LRRC4C: variants seen among roughly 807,000 people sequenced by gnomAD.
LRRC4C encodes leucine-rich repeat-containing protein 4C.
A neutral mutation model predicts 33.6 loss-of-function variants in LRRC4C; 5 were observed. The observed-to-expected ratio is 0.15, with a 90% CI of 0.08 to 0.31. The LOEUF (loss-of-function observed/expected upper bound fraction) is 0.31, where lower values mean the gene tolerates loss of function less well. LRRC4C is among the 10% of genes least tolerant of loss of function. The pLI is 1.00. For synonymous variants in LRRC4C, 329 were observed against 302.0 expected, an observed-to-expected ratio of 1.09 and a Z score of -0.93; for missense variants, 560 against 796.7, an observed-to-expected ratio of 0.70 and a Z score of 3.58.
At chr11:41,137,002 C>A (rs889632013) in intron 1 of LRRC4C, among the ~76,000 whole-genome samples, 8 of 151,986 alleles carry the variant, frequency 5.3e-5, no homozygotes, top group African/African-American at 1.7e-4. Flanking sequence ...AATCCCAGCA[C>A]TTTAGGAGGC....
chr11:41,379,826 G>T (rs181272398), intron 1 of LRRC4C, among the ~76,000 whole-genome samples: 1 of 152,072 alleles, frequency 6.6e-6, no homozygotes, highest in South Asian at 2.1e-4. Flanking sequence ...CTATGTCTTC[G>T]TAATTATTCT....
At chr11:41,406,518 C>T (rs145736703) in intron 1 of LRRC4C, among the ~76,000 whole-genome samples, 15 of 152,128 alleles carry the variant, frequency 9.9e-5, no homozygotes, top group Admixed American at 7.9e-4. Flanking sequence ...TCTGTACTTA[C>T]GCAATGTACA....
At chr11:40,914,309 G>T (rs1956840215) in intron 2 of LRRC4C, among the ~76,000 whole-genome samples, 1 of 152,144 alleles carries the variant, frequency 6.6e-6, no homozygotes. Flanking sequence ...TAAAATACTG[G>T]CAAAGTGAAT....
intron 2 of LRRC4C, among the ~76,000 whole-genome samples, chr11:40,748,098 A>G (rs555923921): frequency 3.3e-5 from 5 of 152,276 alleles, no homozygotes; most frequent in Non-Finnish European, 7.4e-5. Context: ...CTTCTTTACC[A>G]TATAATATAG....
At chr11:40,649,915 T>C (rs1942687914) in intron 2 of LRRC4C, among the ~76,000 whole-genome samples, 1 of 152,172 alleles carries the variant, frequency 6.6e-6, no homozygotes, top group South Asian at 2.1e-4. Context: ...GACTTATAAA[T>C]AGGGGAAGTT....
chr11:40,273,989 G>A (rs12577986), intron 4 of LRRC4C, among the ~76,000 whole-genome samples: 26,115 of 151,910 alleles, frequency 0.17, 2,610 homozygotes, highest in Admixed American at 0.28. Context: ...TGGCTATAGG[G>A]CATTTGACAT....
intron 1 of LRRC4C, among the ~76,000 whole-genome samples, chr11:41,196,736 C>A (rs935346205): frequency 1.3e-5 from 2 of 151,930 alleles, no homozygotes; most frequent in African/African-American, 4.8e-5. Context: ...TTGGTTGATA[C>A]CCATCCTGCT....
At chr11:40,389,392 C>A (rs532331607) in intron 3 of LRRC4C, among the ~76,000 whole-genome samples, 2 of 151,706 alleles carry the variant, frequency 1.3e-5, no homozygotes, top group African/African-American at 4.8e-5. Context: ...GTCAAGAACT[C>A]GTAAAGATAT....
chr11:41,276,182 A>G (rs924371849), intron 1 of LRRC4C, among the ~76,000 whole-genome samples: 5 of 152,184 alleles, frequency 3.3e-5, no homozygotes, highest in African/African-American at 4.8e-5. Context: ...CCTAATTACA[A>G]AATTCACCAT....
chr11:40,567,736 T>A lies in LRRC4C; in HGVS notation c.-270+80406A>T, dbSNP rs544624946. On this transcript the variant is annotated intron_variant, in intron 3 of 6. Transcript: ENST00000528697. ...AATGGTCTTTCTGCTAAGAGTCAGA[T>A]AAGACATAAGACTTGCCCTGAACTC... Among the ~76,000 whole-genome samples, 4 of 152,374 alleles carry A rather than the reference T, an allele frequency of 2.6e-5. No individual in the cohort carries two copies. In the South Asian group the frequency reaches 6.2e-4, roughly 24 times the overall value.
At chr11:40,999,373 G>C (rs189303569) in intron 1 of LRRC4C, among the ~76,000 whole-genome samples, 1 of 152,256 alleles carries the variant, frequency 6.6e-6, no homozygotes, top group East Asian at 1.9e-4. Flanking sequence ...ACTACGGACA[G>C]TCTGTAATTT....
intron 1 of LRRC4C, among the ~76,000 whole-genome samples, chr11:40,937,087 G>A (rs577222781): frequency 3.9e-5 from 6 of 152,228 alleles, no homozygotes; most frequent in Admixed American, 3.9e-4. Flanking sequence ...ATGGCAGATT[G>A]GATAAAGAAA....
chr11:41,095,133 G>A (rs1940726119), intron 1 of LRRC4C, among the ~76,000 whole-genome samples: 2 of 152,164 alleles, frequency 1.3e-5, no homozygotes, highest in African/African-American at 4.8e-5. Context: ...GAAGGCCTTA[G>A]GAAACTTACA....
At chr11:40,291,904 C>T (rs1944221847) in intron 4 of LRRC4C, among the ~76,000 whole-genome samples, 2 of 151,352 alleles carry the variant, frequency 1.3e-5, no homozygotes, top group African/African-American at 2.4e-5. Context: ...CACTGGCACC[C>T]GACACTGCAG....
intron 1 of LRRC4C, among the ~76,000 whole-genome samples, chr11:41,196,230 TG>T (rs1946173018): frequency 6.6e-6 from 1 of 152,118 alleles, no homozygotes; most frequent in East Asian, 1.9e-4. Flanking sequence ...CTGGACTTTT[TG>T]TTTGAAGACA....
intron 2 of LRRC4C, among the ~76,000 whole-genome samples, chr11:40,933,214 A>G (rs1030470416): frequency 1.1e-4 from 17 of 152,348 alleles, no homozygotes; most frequent in African/African-American, 3.8e-4. Flanking sequence ...TAGAAAGCAG[A>G]CTTGCAATGT....
intron 1 of LRRC4C, among the ~76,000 whole-genome samples, chr11:41,003,920 A>C (rs1854555677): frequency 6.6e-6 from 1 of 152,142 alleles, no homozygotes; most frequent in East Asian, 1.9e-4. Context: ...TGAAAGAGTG[A>C]GAACTCCAAA....
intron 1 of LRRC4C, among the ~76,000 whole-genome samples, chr11:41,433,682 C>T (rs763467253): frequency 2.0e-5 from 3 of 152,120 alleles, no homozygotes; most frequent in South Asian, 2.1e-4. Flanking sequence ...CCTCAAACAT[C>T]GGACTCGTTC....
chr11:40,668,704 C>T (rs1318240708), intron 2 of LRRC4C, among the ~76,000 whole-genome samples: 1 of 152,134 alleles, frequency 6.6e-6, no homozygotes, highest in Non-Finnish European at 1.5e-5. Context: ...GCAGACCTCT[C>T]AGCTATAAAT....
Sources: gnomAD v4.1 joint callset for allele counts (sites outside exome capture counted in the v4.1 genomes callset) on GRCh38, gnomAD v4.1.1 for gene constraint, MANE v1.5 for transcripts, NCBI Gene and HGNC (gene_info 2026-07-23, HGNC 2026-07-21) for gene names.